MYO5B: variants seen among roughly 807,000 people sequenced by gnomAD.
The protein encoded by MYO5B is unconventional myosin-Vb.
Under a neutral mutation model 229.3 loss-of-function variants are expected in MYO5B, and 143 were observed. The observed-to-expected ratio is 0.62, with a 90% CI of 0.54 to 0.72. The LOEUF (loss-of-function observed/expected upper bound fraction) is 0.72. Among genes scored for constraint, MYO5B ranks in the 30% least tolerant of loss-of-function variants. The pLI is 0.00. For missense variants in MYO5B, 2,321 were observed against 2,331.0 expected, an observed-to-expected ratio of 1.00 and a Z score of 0.09; for synonymous variants, 918 against 885.2, an observed-to-expected ratio of 1.04 and a Z score of -0.66.
At chr18:50,144,163 A>G (rs1568123233) in intron 1 of MYO5B, among the ~76,000 whole-genome samples, 1 of 152,166 alleles carries the variant, frequency 6.6e-6, no homozygotes, top group Non-Finnish European at 1.5e-5. Flanking sequence ...AGATTGTAGG[A>G]AACCCAAACA....
intron 38 of MYO5B, 101 bp from the exon 39 acceptor site, chr18:49,835,525 CT>C: frequency 1.2e-6 from 1 of 800,348 alleles, no homozygotes; most frequent in Non-Finnish European, 2.2e-6. Context: ...GTATGATCCT[CT>C]TTAGACAAGG....
At position 49,884,667 on chromosome 18, in the gene MYO5B, C is replaced by T. The variant is rs148524681; in HGVS notation, c.3046-4212G>A. Among the ~76,000 whole-genome samples the T allele has an allele frequency of 5.8e-3, 886 of 152,218 alleles. 10 individuals carry two copies. The highest frequency in any genetic ancestry group is 0.019 in the African/African-American group (792 of 41,512). On this transcript the variant is annotated intron_variant, in intron 22 of 39. Coordinates refer to ENST00000285039, the MANE Select transcript of MYO5B (RefSeq NM_001080467.3). ...ATACAGATGAAGCCTTGCTCACTTGCCCACCACTCACCTCCTGCTGTGCGG... is the reference window on the plus strand; with the variant it reads ...ATACAGATGAAGCCTTGCTCACTTGTCCACCACTCACCTCCTGCTGTGCGG...
intron 12 of MYO5B, among the ~76,000 whole-genome samples, chr18:49,955,086 G>C (rs113160472): frequency 7.8e-4 from 118 of 152,238 alleles, no homozygotes; most frequent in African/African-American, 2.7e-3. Context: ...GCCTTACGTT[G>C]CTTATGTGTC....
In MYO5B at chr18:49,835,626, G is replaced by GC. The variant is rs201654228; in HGVS notation, c.5314-203dup. Among the ~76,000 whole-genome samples, 13 of 152,268 alleles carry GC rather than the reference G, an allele frequency of 8.5e-5. No homozygotes were observed. The East Asian group carries it at 1.7e-3, about 20-fold the overall frequency. Reference sequence around the variant, plus strand: ...CCACAGCTTTGTCAGGTGGATCTGAGCCCTCTCACCGAACTCATGTCTCCT... The same window carrying GC: ...CCACAGCTTTGTCAGGTGGATCTGAGCCCCTCTCACCGAACTCATGTCTCCT... On this transcript the variant is annotated intron_variant, in intron 38 of 39. Transcript: ENST00000285039.
chr18:50,147,244 C>A (rs926147340), intron 1 of MYO5B, among the ~76,000 whole-genome samples: 1 of 152,132 alleles, frequency 6.6e-6, no homozygotes, highest in Non-Finnish European at 1.5e-5. Context: ...TTCCAACTAC[C>A]CAAGTCAGGA....
At chr18:50,085,176 G>A (rs1264156886) in intron 1 of MYO5B, among the ~76,000 whole-genome samples, 1 of 152,082 alleles carries the variant, frequency 6.6e-6, no homozygotes, top group Non-Finnish European at 1.5e-5. Flanking sequence ...CTGACAAAGG[G>A]CTAATACCCA....
At chr18:49,928,647 C>T (rs927298266) in intron 17 of MYO5B, among the ~76,000 whole-genome samples, 1 of 152,048 alleles carries the variant, frequency 6.6e-6, no homozygotes, top group African/African-American at 2.4e-5. Flanking sequence ...GAAAAGAAGT[C>T]GTTATATGAA....
intron 1 of MYO5B, among the ~76,000 whole-genome samples, chr18:50,131,191 T>C (rs537885106): frequency 6.6e-6 from 1 of 152,362 alleles, no homozygotes; most frequent in South Asian, 2.1e-4. Context: ...AATCATAGAA[T>C]AGAATGCATA....
intron 1 of MYO5B, among the ~76,000 whole-genome samples, chr18:50,193,444 G>A (rs2033255420): frequency 6.6e-6 from 1 of 152,246 alleles, no homozygotes; most frequent in Non-Finnish European, 1.5e-5. Flanking sequence ...CTCCCCTCCA[G>A]GAGGAATGGG....
chr18:50,059,350 A>C (rs2030630193), intron 1 of MYO5B, among the ~76,000 whole-genome samples: 1 of 152,202 alleles, frequency 6.6e-6, no homozygotes, highest in Admixed American at 6.5e-5. Context: ...ACTCACATAA[A>C]AATATGCCCT....
At chr18:50,095,979 A>T (rs2144495214) in intron 1 of MYO5B, among the ~76,000 whole-genome samples, 1 of 152,214 alleles carries the variant, frequency 6.6e-6, no homozygotes, top group African/African-American at 2.4e-5. Flanking sequence ...GGTCAATATC[A>T]CCCACCTCCC....
intron 1 of MYO5B, among the ~76,000 whole-genome samples, chr18:50,160,118 T>G (rs11082805): frequency 1 from 152,011 of 152,380 alleles, 75,823 homozygotes; most frequent in Middle Eastern, 1. Context: ...TCCCAGCGGA[T>G]GATAAAACAC....
chr18:49,838,580 G>A (rs1447778281), intron 36 of MYO5B, among the ~76,000 whole-genome samples: 1 of 152,158 alleles, frequency 6.6e-6, no homozygotes, highest in East Asian at 1.9e-4. Context: ...AATAGGTCCA[G>A]GTACACTTTC....
chr18:50,138,065 C>A (rs934970231), intron 1 of MYO5B, among the ~76,000 whole-genome samples: 2 of 152,086 alleles, frequency 1.3e-5, no homozygotes, highest in Non-Finnish European at 2.9e-5. Context: ...ATAATTTGTA[C>A]AATAAACCCC....
intron 14 of MYO5B, among the ~76,000 whole-genome samples, chr18:49,950,117 TAG>T (rs1414157109): frequency 2.0e-5 from 3 of 152,108 alleles, no homozygotes; most frequent in African/African-American, 4.8e-5. Context: ...GGGCTCAGGG[TAG>T]AGAGTTCTCA....
At chr18:50,117,333 C>T (rs1359686417) in intron 1 of MYO5B, among the ~76,000 whole-genome samples, 1 of 152,036 alleles carries the variant, frequency 6.6e-6, no homozygotes, top group Admixed American at 6.6e-5. Context: ...TTCTTCAAGG[C>T]TCTTCCAGGA....
rs2024580847 is a variant in MYO5B at position 49,881,076 on chromosome 18, T to C, written c.3046-621A>G. On this transcript the variant is annotated intron_variant, in intron 22 of 39. Coordinates refer to ENST00000285039, the MANE Select transcript of MYO5B (RefSeq NM_001080467.3). ...CTAAAAGCTCAGGGCCCTTGTTTAC[T>C]GGAAGCAAGGAGCCCCCAACCCCTT... Among the ~76,000 whole-genome samples, 3 of 152,260 alleles carry C rather than the reference T, an allele frequency of 2.0e-5. No individual in the cohort carries two copies. The South Asian group carries it at 6.2e-4, about 31-fold the overall frequency.
In MYO5B at chr18:50,157,541, C is replaced by A. The variant is rs976004056; in HGVS notation, c.27+37226G>T. On this transcript the variant is annotated intron_variant, in intron 1 of 39. Transcript: ENST00000285039. The stretch of plus-strand genomic sequence containing the variant: ...TGTCAAGCCCTTTCCTGCCTCTGGG[C>A]CTTTGCATTGGCTTTTCTCTCAGCT... 2.0e-4 allele frequency among the ~76,000 whole-genome samples: 31 copies of A among 152,298 alleles called. 1 individual carries two copies. In the Middle Eastern group the frequency reaches 0.01, roughly 50 times the overall value.
chr18:49,964,118 G>A (rs2025594448), intron 10 of MYO5B, among the ~76,000 whole-genome samples: 1 of 152,128 alleles, frequency 6.6e-6, no homozygotes, highest in African/African-American at 2.4e-5. Context: ...TCCTTAGGAT[G>A]CTAACCTAAA....
Sources: gnomAD v4.1 joint callset for allele counts (sites outside exome capture counted in the v4.1 genomes callset) on GRCh38, gnomAD v4.1.1 for gene constraint, MANE v1.5 for transcripts, NCBI Gene and HGNC (gene_info 2026-07-23, HGNC 2026-07-21) for gene names.